PDE1C: variants seen among roughly 807,000 people sequenced by gnomAD.
PDE1C encodes the protein phosphodiesterase 1C.
A neutral mutation model predicts 93.1 loss-of-function variants in PDE1C; 62 were observed. The observed-to-expected ratio is 0.67, with a 90% CI of 0.54 to 0.82. The LOEUF is 0.82. PDE1C is among the 40% of genes least tolerant of loss of function. The probability of loss-of-function intolerance (pLI) is 0.00; values close to 1 mark genes in which losing one functional copy is unlikely to be tolerated. For synonymous variants in PDE1C, 325 were observed against 310.1 expected (o/e 1.05, Z -0.50); for missense variants, 742 against 884.6 (o/e 0.84, Z 2.04).
intron 2 of PDE1C, among the ~76,000 whole-genome samples, chr7:31,976,949 C>A (rs977775675): frequency 6.6e-6 from 1 of 152,096 alleles, no homozygotes; most frequent in African/African-American, 2.4e-5. Flanking sequence ...TACCTAGGAC[C>A]TTTTTAGAAA....
intron 1 of PDE1C, among the ~76,000 whole-genome samples, chr7:32,297,994 TCTC>T (rs1562660120): frequency 4.7e-5 from 2 of 42,538 alleles, no homozygotes; most frequent in African/African-American, 1.1e-4. Flanking sequence ...TCTCTCTCTC[TCTC>T]CTCTCTCTCT....
chr7:32,396,227 C>T (rs1340194535), intron 1 of PDE1C, among the ~76,000 whole-genome samples: 2 of 152,048 alleles, frequency 1.3e-5, no homozygotes, highest in Non-Finnish European at 2.9e-5. Flanking sequence ...ACCTGTAATC[C>T]CAACACTTTG....
At chr7:32,320,930 G>A (rs1038972147) in intron 1 of PDE1C, among the ~76,000 whole-genome samples, 2 of 152,176 alleles carry the variant, frequency 1.3e-5, no homozygotes, top group South Asian at 2.1e-4. Flanking sequence ...GGAGTAAAGT[G>A]AGACTCAAAA....
chr7:32,333,319 T>C (rs1323417583), intron 1 of PDE1C, among the ~76,000 whole-genome samples: 1 of 152,224 alleles, frequency 6.6e-6, no homozygotes, highest in African/African-American at 2.4e-5. Context: ...TTTTAAAGGT[T>C]TGCAAAGGCA....
At chr7:32,136,967 T>C (rs1584832484) in intron 3 of PDE1C, among the ~76,000 whole-genome samples, 1 of 152,368 alleles carries the variant, frequency 6.6e-6, no homozygotes, top group African/African-American at 2.4e-5. Flanking sequence ...CAGGAGATTT[T>C]CTTTTTAAAC....
At chr7:32,185,585 A>G (rs1478910952) in intron 2 of PDE1C, among the ~76,000 whole-genome samples, 1 of 152,186 alleles carries the variant, frequency 6.6e-6, no homozygotes, top group East Asian at 1.9e-4. Context: ...ATTTTCCTTT[A>G]CAATTGCCAT....
rs376706494 is a variant in PDE1C, at chr7:32,322,356, C to T, written c.310+105466G>A. Among the ~76,000 whole-genome samples, 465 of 152,240 alleles carry T rather than the reference C, an allele frequency of 3.1e-3. 3 individuals are homozygous for T. The highest frequency in any genetic ancestry group is 0.01 in the African/African-American group (423 of 41,554). ...ACCTACATGCCTCCCAAAACCAGCA[C>T]TTTGGGAGGCCGAAGCAGGAGGATC... On this transcript the variant is annotated intron_variant, in intron 1 of 1. Coordinates refer to the PDE1C transcript ENST00000672256.
At chr7:32,278,626 T>C (rs541796715) in intron 1 of PDE1C, among the ~76,000 whole-genome samples, 2 of 152,214 alleles carry the variant, frequency 1.3e-5, no homozygotes, top group Non-Finnish European at 2.9e-5. Flanking sequence ...TGAAAATTAG[T>C]CAGGCTTCAG....
chr7:32,292,265 A>G (rs1382360314), intron 1 of PDE1C, among the ~76,000 whole-genome samples: 1 of 152,154 alleles, frequency 6.6e-6, no homozygotes, highest in Non-Finnish European at 1.5e-5. Context: ...TAACTTTTTT[A>G]TTATTTGTTG....
At position 32,247,299 on chromosome 7, in the gene PDE1C, A is replaced by T. The variant is rs904562016; in HGVS notation, c.86-37760T>A. 7.4e-5 allele frequency among the ~76,000 whole-genome samples: 9 copies of T among 122,166 alleles called. 2 individuals are homozygous for T. Among genetic ancestry groups the T allele is most frequent in the Admixed American group, 1.6e-4 (2 of 12,484 alleles). 80.1% of individuals were successfully genotyped at this position (122,166 alleles called of 152,430 possible). ...CCTAGGGCTTCTTGGCCAAACTCAA[A>T]TTTTTTTATTTATTGTCTGTCTGTA... On this transcript the variant is annotated intron_variant, in intron 1 of 18. Coordinates refer to the PDE1C transcript ENST00000396193.
intron 1 of PDE1C, among the ~76,000 whole-genome samples, chr7:32,386,648 G>A (rs1323885795): frequency 7.2e-6 from 1 of 138,322 alleles, no homozygotes; most frequent in Non-Finnish European, 1.5e-5. Flanking sequence ...ATGTTTGCTA[G>A]CCCAAAAGGC....
intron 1 of PDE1C, among the ~76,000 whole-genome samples, chr7:32,282,026 G>T (rs554460106): frequency 5.8e-4 from 88 of 152,138 alleles, no homozygotes; most frequent in African/African-American, 2.0e-3. Flanking sequence ...AGGGGACGGG[G>T]AGAGATAGCA....
chr7:32,185,622 C>T (rs1326703062), intron 2 of PDE1C, among the ~76,000 whole-genome samples: 1 of 152,142 alleles, frequency 6.6e-6, no homozygotes, highest in Non-Finnish European at 1.5e-5. Context: ...AATTTGTTTG[C>T]ATAAATTTAT....
chr7:31,732,790 A>G, the PDE1C span, among the ~76,000 whole-genome samples: 1 of 152,130 alleles, frequency 6.6e-6, no homozygotes, highest in Non-Finnish European at 1.5e-5. Context: ...AGGAAAATCA[A>G]TAATGGTAAA....
At chr7:32,347,428 T>G (rs1783874622) in intron 1 of PDE1C, among the ~76,000 whole-genome samples, 1 of 152,194 alleles carries the variant, frequency 6.6e-6, no homozygotes, top group African/African-American at 2.4e-5. Context: ...GGTAGAATTC[T>G]CTGTGGATCC....
At chr7:31,803,498 C>T (rs1786357349) in intron 16 of PDE1C, among the ~76,000 whole-genome samples, 1 of 151,802 alleles carries the variant, frequency 6.6e-6, no homozygotes, top group Admixed American at 6.6e-5. Context: ...TGGTGTGCTG[C>T]ACCCATTAAC....
chr7:32,190,416 A>G (rs978129458), intron 2 of PDE1C, among the ~76,000 whole-genome samples: 4 of 152,244 alleles, frequency 2.6e-5, no homozygotes, highest in African/African-American at 9.6e-5. Context: ...GAGGTGTGCT[A>G]GACATAGTGC....
the PDE1C span, among the ~76,000 whole-genome samples, chr7:31,673,472 G>T: frequency 6.6e-6 from 1 of 152,136 alleles, no homozygotes; most frequent in African/African-American, 2.4e-5. Context: ...ATTAAGTATA[G>T]ATTAAGGGGA....
At chr7:32,199,742 CCA>C (rs1038308230) in intron 2 of PDE1C, among the ~76,000 whole-genome samples, 5 of 149,988 alleles carry the variant, frequency 3.3e-5, no homozygotes, top group African/African-American at 1.2e-4. Context: ...CTTTTTTTTT[CCA>C]GTTTGTCATT....
Sources: allele counts gnomAD v4.1 joint callset (sites outside exome capture counted in the v4.1 genomes callset), GRCh38; gene constraint gnomAD v4.1.1; transcripts MANE v1.5; gene names NCBI Gene and HGNC (gene_info 2026-07-23, HGNC 2026-07-21).